Variants in CHORDC1 observed in about 807,000 individuals in gnomAD.
The protein encoded by CHORDC1 is cysteine and histidine rich domain containing 1, also known as cysteine and histidine-rich domain-containing protein 1.
A neutral mutation model predicts 48.3 loss-of-function variants in CHORDC1; 25 were observed. The ratio of observed to expected loss-of-function variants is 0.52; its 90% CI spans 0.38 to 0.72. The LOEUF (loss-of-function observed/expected upper bound fraction) is 0.72, where lower values mean the gene tolerates loss of function less well. CHORDC1 is among the 30% of genes least tolerant of loss of function. The probability of loss-of-function intolerance (pLI) is 0.00; values close to 1 mark genes in which losing one functional copy is unlikely to be tolerated. For missense variants in CHORDC1, 317 were observed against 388.7 expected (o/e 0.82, Z 1.55); for synonymous variants, 128 against 126.4 (o/e 1.01, Z -0.09).
Position 90,218,199 on chromosome 11 carries a change from GAA to G in CHORDC1, c.65-17_65-16del, listed in dbSNP as rs34787918. 3.1e-3 allele frequency: 4,053 copies of G among 1,312,282 alleles called. No homozygotes were observed. Among genetic ancestry groups the G allele is most frequent in the South Asian group, 6.8e-3 (450 of 65,728 alleles). 81.3% of individuals were successfully genotyped at this position (1,312,282 alleles called of 1,614,324 possible). A position where few individuals can be genotyped will look rare whatever the true frequency, so the allele number is the denominator to read the frequency against. ...TGTGCAAGCATCTGGAGAAAACAGA[GAA>G]AAAAAAAAAAGTACCACTCTTTATA... On this transcript the variant is annotated splice_polypyrimidine_tract_variant and intron_variant, in intron 1 of 10. Coordinates refer to ENST00000320585, the MANE Select transcript of CHORDC1 (RefSeq NM_012124.3).
rs1857529820 is a variant in CHORDC1, at chr11:90,200,903, GA to G, written c.*1501del. ...GTTCCTAAATCATGGAAGATAACTT[GA>G]AAAATTTTAAATACATCTCCAGGTA... is the stretch of plus-strand genomic sequence containing the variant. On this transcript the variant is annotated 3_prime_UTR_variant, in exon 11 of 11. Transcript: ENST00000320585. 6.6e-6 allele frequency among the ~76,000 whole-genome samples: 1 copy of G among 151,920 alleles called. No individual in the cohort carries two copies. The highest frequency in any genetic ancestry group is 1.5e-5 in the Non-Finnish European group (1 of 67,858).
chr11:90,208,859 C>G (rs1392557522), intron 6 of CHORDC1: 2 of 152,090 alleles, frequency 1.3e-5, no homozygotes. Context: ...TTTCAATGGC[C>G]TCCACACTCT....
intron 4 of CHORDC1, chr11:90,211,555 C>T (rs989104316): frequency 2.8e-6 from 1 of 354,348 alleles, no homozygotes; most frequent in African/African-American, 2.2e-5. Context: ...CTATTGTCAG[C>T]ATATTTAAGT....
chr11:90,222,714 G>A (rs1348447876), intron 1 of CHORDC1, 177 bp downstream of exon 1: 1 of 717,826 alleles, frequency 1.4e-6, no homozygotes, highest in Non-Finnish European at 2.5e-6. Flanking sequence ...AGGGAACGCG[G>A]CGCAACAGAG....
intron 9 of CHORDC1, 39 bp from the exon 10 acceptor site, chr11:90,202,914 C>A: frequency 6.4e-7 from 1 of 1,551,426 alleles, no homozygotes; most frequent in South Asian, 1.2e-5. Context: ...CTAATTCAAA[C>A]TGAAGATTTA....
At chr11:90,221,726 G>A (rs1354042114) in intron 1 of CHORDC1, among the ~76,000 whole-genome samples, 1 of 152,138 alleles carries the variant, frequency 6.6e-6, no homozygotes, top group Non-Finnish European at 1.5e-5. Flanking sequence ...AATGTCAGTG[G>A]CGGTAACTTG....
intron 7 of CHORDC1, 194 bp downstream of exon 7, chr11:90,206,007 AC>A: frequency 1.7e-6 from 1 of 584,190 alleles, no homozygotes; most frequent in South Asian, 2.1e-5. Flanking sequence ...AAGAACTGTA[AC>A]CTTGTTTCTG....
rs1391816820 is a variant in CHORDC1, at chr11:90,205,460, A to C, written c.669T>G (p.Ala223=). The C allele has an allele frequency of 6.4e-7, 1 of 1,557,432 alleles. No homozygotes were observed. The highest frequency in any genetic ancestry group is 8.8e-7 in the Non-Finnish European group (1 of 1,135,274). Residue 223 remains alanine, a splice_region_variant and synonymous_variant, in exon 8 of 11, where the codon GCT becomes GCG. Coordinates refer to ENST00000320585, the MANE Select transcript of CHORDC1 (RefSeq NM_012124.3). ...KGKHMWTKKD[A]GKKVVPCRHD... ...TGCTATTTTTGGAAGAGTTACTTACAGCATCTTTTTTAGTCCACATGTGTT... is the reference window on the plus strand; with the variant it reads ...TGCTATTTTTGGAAGAGTTACTTACCGCATCTTTTTTAGTCCACATGTGTT...
intron 1 of CHORDC1, among the ~76,000 whole-genome samples, chr11:90,220,700 C>T (rs1022453050): frequency 3.3e-5 from 5 of 151,938 alleles, no homozygotes; most frequent in African/African-American, 1.2e-4. Context: ...CTTTAATATC[C>T]ATCCTTTCTT....
chr11:90,202,931 C>A, intron 9 of CHORDC1, 56 bp from the exon 10 acceptor site: 2 of 1,504,878 alleles, frequency 1.3e-6, no homozygotes, highest in South Asian at 1.3e-5. Flanking sequence ...TTTATGCTAT[C>A]AAACACTGAT....
chr11:90,207,322 T>G (rs1392931455), intron 6 of CHORDC1: 1 of 154,488 alleles, frequency 6.5e-6, no homozygotes, highest in Non-Finnish European at 1.4e-5. Context: ...TTTAAAGTTC[T>G]TTAATTACAT....
chr11:90,201,912 T>C lies in CHORDC1; in HGVS notation c.*493A>G, dbSNP rs1254104529. On this transcript the variant is annotated 3_prime_UTR_variant, in exon 11 of 11. Transcript: ENST00000320585. The stretch of plus-strand genomic sequence containing the variant: ...TACTATACTACCTCAGAATTAATCC[T>C]CCTTAAAAAAGTAATCATCCCACAT... 6.6e-6 allele frequency: 1 copy of C among 152,374 alleles called. No individual in the cohort carries two copies. Among genetic ancestry groups the C allele is most frequent in the Non-Finnish European group, 1.5e-5 (1 of 68,076 alleles). The allele number at this position is 152,374 out of a possible 1,614,324, so 9.4% of individuals were successfully genotyped here. A position where few individuals can be genotyped will look rare whatever the true frequency, so the allele number is the denominator to read the frequency against.
At chr11:90,217,357 ACT>A (rs35129653) in intron 2 of CHORDC1, among the ~76,000 whole-genome samples, 19,047 of 152,164 alleles carry the variant, frequency 0.13, 1,256 homozygotes, top group South Asian at 0.18. Flanking sequence ...TACAAAGGAA[ACT>A]CTTTAAATGT....
In CHORDC1 at chr11:90,211,251, G is replaced by T. The variant is rs1565170068; in HGVS notation, c.397C>A (p.Leu133Ile). The T allele has an allele frequency of 1.9e-6, 3 of 1,603,400 alleles. No homozygotes were observed. In the East Asian group the frequency reaches 6.7e-5, roughly 36 times the overall value. The change falls in exon 5 of 11, where the codon CTT becomes ATT. Residue 133 changes from leucine to isoleucine, a missense_variant. Coordinates refer to ENST00000320585, the MANE Select transcript of CHORDC1 (RefSeq NM_012124.3). ...TCTTCATTCCCTGATGACAGTTTAA[G>T]TTTATCAAGTGCTTGTTTTAGGGAG... ...SASLKQALDK[L>I]KLSSGNEENK...
At position 90,202,833 on chromosome 11, in the gene CHORDC1, G is replaced by A; in HGVS notation, c.832C>T (p.Gln278Ter). ...IVFEGEKEFDQNVKLWGVIDV... is the reference protein window; with the variant it reads ...IVFEGEKEFD ...CTTACACCCCATAATTTCACATTTTGATCAAATTCCTTCTCTCCTTCAAAT... is the reference window on the plus strand; with the variant it reads ...CTTACACCCCATAATTTCACATTTTAATCAAATTCCTTCTCTCCTTCAAAT... Residue 278 changes from glutamine (Q) to a stop codon, truncating the protein, a stop_gained, in exon 10 of 11, where the codon CAA becomes TAA. Coordinates refer to ENST00000320585, the MANE Select transcript of CHORDC1 (RefSeq NM_012124.3). LOFTEE classifies it high-confidence loss of function. 3.1e-6 allele frequency: 5 copies of A among 1,600,790 alleles called. No individual in the cohort carries two copies. Among genetic ancestry groups the A allele is most frequent in the Non-Finnish European group, 4.3e-6 (5 of 1,174,808 alleles).
At chr11:90,203,702 G>A (rs1267749749) in intron 8 of CHORDC1, among the ~76,000 whole-genome samples, 1 of 151,944 alleles carries the variant, frequency 6.6e-6, no homozygotes, top group Non-Finnish European at 1.5e-5. Context: ...CAGCTAAAAA[G>A]ACAATTTAAG....
rs775582047 is a variant in CHORDC1 at position 90,210,601 on chromosome 11, CA to C, written c.434-8del. On this transcript the variant is annotated splice_polypyrimidine_tract_variant and splice_region_variant and intron_variant, in intron 5 of 10. Transcript: ENST00000320585. ...ATTTCATCATTGTCTTCTTCTGTAA[CA>C]AAGAAAAAAAAATCAAATTAAAAAG... 6 of 1,524,486 alleles carry C rather than the reference CA, an allele frequency of 3.9e-6. No homozygotes were observed. In the Admixed American group the frequency reaches 5.5e-5, roughly 14 times the overall value. The allele number at this position is 1,524,486 out of a possible 1,614,324, so 94.4% of individuals were successfully genotyped here. A position where few individuals can be genotyped will look rare whatever the true frequency, so the allele number is the denominator to read the frequency against.
intron 6 of CHORDC1, chr11:90,206,622 A>C: frequency 2.6e-6 from 1 of 383,718 alleles, no homozygotes; most frequent in South Asian, 2.2e-5. Context: ...TTACTGCATG[A>C]CTTATGTGTA....
At chr11:90,208,667 A>G (rs1430000326) in intron 6 of CHORDC1, 1 of 152,222 alleles carries the variant, frequency 6.6e-6, no homozygotes, top group African/African-American at 2.4e-5. Flanking sequence ...CAGAAAAAAC[A>G]TATGTTGACT....
Sources: gnomAD v4.1 joint callset for allele counts (sites outside exome capture counted in the v4.1 genomes callset) on GRCh38, gnomAD v4.1.1 for gene constraint, MANE v1.5 for transcripts, NCBI Gene and HGNC (gene_info 2026-07-23, HGNC 2026-07-21) for gene names.